Variants in PDIA6 observed in about 807,000 individuals in gnomAD.
The protein encoded by PDIA6 is protein disulfide-isomerase A6.
In PDIA6, 29 loss-of-function variants were observed where a neutral mutation model predicts 58.4. That is an observed-to-expected ratio of 0.50 (90% confidence interval 0.37 to 0.68). PDIA6 has a LOEUF of 0.68. Ranked by LOEUF, PDIA6 falls within the 30% of genes least tolerant of loss-of-function variation. The probability of loss-of-function intolerance (pLI) is 0.00; values close to 1 mark genes in which losing one functional copy is unlikely to be tolerated. For missense variants in PDIA6, 480 were observed against 551.0 expected (o/e 0.87, Z 1.29); for synonymous variants, 192 against 202.6 (o/e 0.95, Z 0.44).
Position 10,790,839 on chromosome 2 carries a change from G to A in PDIA6, c.585-6C>T. ...CAGCCCACTCTGGCTCTAGGCTATA[G>A]AAAAATATTCGTTTTGTTTTGTTTC... is the stretch of plus-strand genomic sequence containing the variant. On this transcript the variant is annotated splice_region_variant and splice_polypyrimidine_tract_variant and intron_variant, in intron 6 of 12. Transcript: ENST00000272227. 6.2e-7 allele frequency: 1 copy of A among 1,604,866 alleles called. No individual in the cohort carries two copies. The highest frequency in any genetic ancestry group is 8.5e-7 in the Non-Finnish European group (1 of 1,171,914).
At position 10,788,697 on chromosome 2, in the gene PDIA6, C is replaced by T; in HGVS notation, c.998G>A (p.Gly333Glu). The change falls in exon 10 of 13, where the codon GGG becomes GAG. Residue 333 changes from glycine (G) to glutamate (E), a missense_variant and splice_region_variant. By Grantham distance (98) the Gly-to-Glu change is moderately conservative (BLOSUM62 -2). Coordinates refer to ENST00000272227, the MANE Select transcript of PDIA6 (RefSeq NM_005742.4). Reference protein sequence around the residue: ...LADKYKKKMWGWLWTEAGAQS... With the variant: ...LADKYKKKMWEWLWTEAGAQS... ...TCAGACAGTAAGCTCAGTAACTTAC[C>T]CCCACATTTTCTTTTTGTATTTGTC... is the stretch of plus-strand genomic sequence containing the variant. The T allele has an allele frequency of 6.2e-7, 1 of 1,603,906 alleles. No homozygotes were observed. Among genetic ancestry groups the T allele is most frequent in the Non-Finnish European group, 8.5e-7 (1 of 1,170,664 alleles).
At chr2:10,829,258 T>A (rs1667639459) in intron 1 of PDIA6, among the ~76,000 whole-genome samples, 1 of 152,188 alleles carries the variant, frequency 6.6e-6, no homozygotes, top group African/African-American at 2.4e-5. Flanking sequence ...GGGCCACTCA[T>A]ACCCAGAATC....
At chr2:10,817,134 C>T (rs1217957712), upstream of PDIA6, among the ~76,000 whole-genome samples, 1 of 152,178 alleles carries the variant, frequency 6.6e-6, no homozygotes, top group African/African-American at 2.4e-5. Context: ...CTTTTTATTC[C>T]ACTCAGGAAG....
chr2:10,830,096 C>T (rs1667668796), intron 1 of PDIA6, among the ~76,000 whole-genome samples: 1 of 152,178 alleles, frequency 6.6e-6, no homozygotes, highest in Non-Finnish European at 1.5e-5. Context: ...TTCCTCACCC[C>T]AGGCCCTGGG....
intron 1 of PDIA6, among the ~76,000 whole-genome samples, chr2:10,809,192 T>C (rs1007799233): frequency 3.9e-5 from 6 of 152,248 alleles, no homozygotes; most frequent in Admixed American, 1.3e-4. Context: ...CCTGTTTCTT[T>C]TGGCCATTTT....
intron 1 of PDIA6, chr2:10,821,577 G>A (rs553543159): frequency 6.6e-6 from 1 of 152,238 alleles, no homozygotes; most frequent in South Asian, 2.1e-4. Flanking sequence ...CCTTCTATAG[G>A]GTTGTAAGTG....
intron 1 of PDIA6, among the ~76,000 whole-genome samples, chr2:10,830,641 T>C (rs1343236915): frequency 1.3e-5 from 2 of 152,232 alleles, no homozygotes; most frequent in Non-Finnish European, 2.9e-5. Flanking sequence ...AGCAATTTTG[T>C]AGGAGATACT....
At chr2:10,822,248 TTTTA>T (rs147935519) in intron 1 of PDIA6, among the ~76,000 whole-genome samples, 38,630 of 150,730 alleles carry the variant, frequency 0.26, 5,188 homozygotes, top group African/African-American at 0.28. Flanking sequence ...CATAAATGAT[TTTTA>T]TTTATTTATT....
At chr2:10,828,187 T>G (rs532908129) in intron 1 of PDIA6, among the ~76,000 whole-genome samples, 1 of 152,354 alleles carries the variant, frequency 6.6e-6, no homozygotes, top group South Asian at 2.1e-4. Context: ...CAGATGGAGA[T>G]GACACACATC....
intron 2 of PDIA6, among the ~76,000 whole-genome samples, chr2:10,798,101 A>C (rs571859288): frequency 2.8e-4 from 43 of 151,886 alleles, no homozygotes; most frequent in Non-Finnish European, 5.4e-4. Flanking sequence ...CACAAGAATC[A>C]CGTGAACCCA....
At chr2:10,785,622 A>G (rs1665689640) in intron 11 of PDIA6, among the ~76,000 whole-genome samples, 1 of 152,396 alleles carries the variant, frequency 6.6e-6, no homozygotes, top group Non-Finnish European at 1.5e-5. Context: ...GGCTAGAATA[A>G]GCAAACCTAT....
chr2:10,799,050 G>A (rs1048329375), intron 2 of PDIA6, among the ~76,000 whole-genome samples: 13 of 152,154 alleles, frequency 8.5e-5, no homozygotes, highest in African/African-American at 3.1e-4. Context: ...AGTGGGGAGA[G>A]GAGGAGAGAA....
intron 2 of PDIA6, among the ~76,000 whole-genome samples, chr2:10,800,698 T>G (rs1666472317): frequency 6.6e-6 from 1 of 151,688 alleles, no homozygotes; most frequent in Non-Finnish European, 1.5e-5. Flanking sequence ...CCTCACAGGC[T>G]CAGGTGATCT....
intron 1 of PDIA6, among the ~76,000 whole-genome samples, chr2:10,808,901 C>T (rs1666879882): frequency 6.6e-6 from 1 of 152,204 alleles, no homozygotes; most frequent in Admixed American, 6.5e-5. Flanking sequence ...TCTTGGCTCA[C>T]TGCAACCACT....
chr2:10,802,567 A>T lies in PDIA6; in HGVS notation c.93T>A (p.Thr31=). 6.7e-7 allele frequency: 1 copy of T among 1,492,318 alleles called. No homozygotes were observed. The highest frequency in any genetic ancestry group is 8.9e-7 in the Non-Finnish European group (1 of 1,119,060). The allele number at this position is 1,492,318 out of a possible 1,614,324, so 92.4% of individuals were successfully genotyped here. A position where few individuals can be genotyped will look rare whatever the true frequency, so the allele number is the denominator to read the frequency against. The change falls in exon 2 of 13, where the codon ACT becomes ACA. Residue 31 remains threonine, a synonymous_variant. Coordinates refer to ENST00000272227, the MANE Select transcript of PDIA6 (RefSeq NM_005742.4). ...TAACTTCTCGGTTGAAATTCGATGG[A>T]GTTAATTCGATCACATCATCACTAG... ...YSSSDDVIEL[T]PSNFNREVIQ...
chr2:10,837,648 A>T, exon 1 of PDIA6: 1 of 1,402,824 alleles, frequency 7.1e-7, no homozygotes, highest in Non-Finnish European at 9.7e-7. Context: ...CAGCTTGTTC[A>T]GGGGCTCCAA....
chr2:10,833,957 G>A (rs577655648), upstream of PDIA6, among the ~76,000 whole-genome samples: 1 of 152,322 alleles, frequency 6.6e-6, no homozygotes, highest in South Asian at 2.1e-4. Flanking sequence ...AGTGCTCTCT[G>A]TGTTTCTCTT....
upstream of PDIA6, among the ~76,000 whole-genome samples, chr2:10,814,883 G>T (rs1416447630): frequency 6.6e-6 from 1 of 152,186 alleles, no homozygotes; most frequent in Non-Finnish European, 1.5e-5. Context: ...AACTGCGGTG[G>T]CCCACACTGC....
intron 2 of PDIA6, among the ~76,000 whole-genome samples, chr2:10,799,033 G>T (rs930960441): frequency 8.1e-6 from 1 of 124,064 alleles, no homozygotes; most frequent in African/African-American, 2.6e-5. Context: ...CAGGGAAAGC[G>T]GAAGAGAGTG....
Sources: allele counts gnomAD v4.1 joint callset (sites outside exome capture counted in the v4.1 genomes callset), GRCh38; gene constraint gnomAD v4.1.1; transcripts MANE v1.5; gene names NCBI Gene and HGNC (gene_info 2026-07-23, HGNC 2026-07-21).